Variants in SNX24 observed in about 807,000 individuals in gnomAD.
SNX24 encodes the protein sorting nexin 24.
Under a neutral mutation model 28.7 loss-of-function variants are expected in SNX24, and 22 were observed. That is an observed-to-expected ratio of 0.77 (90% CI 0.55 to 1.10). The LOEUF (loss-of-function observed/expected upper bound fraction) is 1.10. SNX24 is among the 50% of genes least tolerant of loss of function. SNX24 has a pLI of 0.00. For synonymous variants in SNX24, 69 were observed against 71.5 expected, an observed-to-expected ratio of 0.96 and a Z score of 0.18; for missense variants, 221 against 201.1, an observed-to-expected ratio of 1.10 and a Z score of -0.60.
chr5:122,862,433 G>C (rs1431992194), intron 1 of SNX24, among the ~76,000 whole-genome samples: 7 of 151,910 alleles, frequency 4.6e-5, no homozygotes. Context: ...GGCTAACAAG[G>C]TGAAACCCCG....
intron 3 of SNX24, among the ~76,000 whole-genome samples, chr5:122,970,941 G>A (rs2150147307): frequency 6.6e-6 from 1 of 152,320 alleles, no homozygotes; most frequent in African/African-American, 2.4e-5. Context: ...TCTCTAGAGG[G>A]ACAGAACTAA....
At chr5:122,846,646 T>A (rs1449250558) in intron 1 of SNX24, among the ~76,000 whole-genome samples, 1 of 152,214 alleles carries the variant, frequency 6.6e-6, no homozygotes, top group Non-Finnish European at 1.5e-5. Flanking sequence ...TGACAGTCTG[T>A]TTGGGCCATT....
intron 1 of SNX24, among the ~76,000 whole-genome samples, chr5:122,925,180 C>T (rs1175685121): frequency 3.7e-5 from 4 of 109,400 alleles, no homozygotes; most frequent in Non-Finnish European, 7.6e-5. Context: ...CCCTCCCATC[C>T]CCTCCCATCC....
intron 1 of SNX24, among the ~76,000 whole-genome samples, chr5:122,896,163 C>T (rs1031895799): frequency 1.3e-5 from 2 of 152,250 alleles, no homozygotes; most frequent in East Asian, 1.9e-4. Flanking sequence ...AACAAACAAA[C>T]ATATAGAAGC....
At chr5:122,890,227 G>A (rs1756908692) in intron 1 of SNX24, among the ~76,000 whole-genome samples, 1 of 151,918 alleles carries the variant, frequency 6.6e-6, no homozygotes, top group African/African-American at 2.4e-5. Context: ...TTTGACCACT[G>A]GTTAGGTTTT....
At chr5:122,920,880 C>T (rs1300517417) in intron 1 of SNX24, among the ~76,000 whole-genome samples, 1 of 152,190 alleles carries the variant, frequency 6.6e-6, no homozygotes, top group East Asian at 1.9e-4. Context: ...CATAATCCCT[C>T]TTAAACATTA....
intron 5 of SNX24, chr5:123,028,483 C>G: frequency 3.5e-6 from 1 of 285,348 alleles, no homozygotes; most frequent in Non-Finnish European, 6.4e-6. Flanking sequence ...AGATATTTTT[C>G]TGTATGGCTA....
At chr5:122,873,309 G>T (rs1756068408) in intron 1 of SNX24, among the ~76,000 whole-genome samples, 1 of 152,014 alleles carries the variant, frequency 6.6e-6, no homozygotes, top group African/African-American at 2.4e-5. Flanking sequence ...TGCAGTCAGG[G>T]TTTGCTTCTT....
At chr5:122,904,976 G>A (rs1034997165) in intron 1 of SNX24, among the ~76,000 whole-genome samples, 3 of 152,182 alleles carry the variant, frequency 2.0e-5, no homozygotes, top group Admixed American at 6.5e-5. Context: ...CCTGGTGTGG[G>A]TGTTGTTTCC....
chr5:122,850,254 T>C (rs1400951029), intron 1 of SNX24, among the ~76,000 whole-genome samples: 1 of 152,044 alleles, frequency 6.6e-6, no homozygotes, highest in African/African-American at 2.4e-5. Context: ...CTAGCGAGGG[T>C]CCATTTCCAG....
intron 5 of SNX24, chr5:123,023,660 T>G (rs1327466828): frequency 7.0e-6 from 4 of 573,990 alleles, no homozygotes; most frequent in Non-Finnish European, 1.0e-5. Context: ...AGGGGATATA[T>G]TTAAGTTCAA....
At chr5:122,974,261 T>C (rs1002233895) in intron 3 of SNX24, among the ~76,000 whole-genome samples, 2 of 152,224 alleles carry the variant, frequency 1.3e-5, no homozygotes, top group African/African-American at 4.8e-5. Context: ...ACCTCTGGCA[T>C]GCAAGTGTCT....
chr5:122,946,308 G>T, intron 3 of SNX24, 149 bp downstream of exon 3: 1 of 486,348 alleles, frequency 2.1e-6, no homozygotes, highest in Non-Finnish European at 3.7e-6. Context: ...ATATGTTGTT[G>T]GTTGGTTCTT....
chr5:123,007,940 G>C lies in SNX24; in HGVS notation c.*191G>C. 1 of 1,373,282 alleles carries C rather than the reference G, an allele frequency of 7.3e-7. No individual in the cohort carries two copies. 85.1% of individuals were successfully genotyped at this position (1,373,282 alleles called of 1,614,324 possible). A position where few individuals can be genotyped will look rare whatever the true frequency, so the allele number is the denominator to read the frequency against. On this transcript the variant is annotated 3_prime_UTR_variant, in exon 7 of 7. Transcript: ENST00000261369. Reference sequence around the variant, plus strand: ...TGCTCTTAAAAATAGAAACTGAACCGGGGCGGTGGTCAGGCTAAGGCCAAG... The same window carrying C: ...TGCTCTTAAAAATAGAAACTGAACCCGGGCGGTGGTCAGGCTAAGGCCAAG...
At chr5:122,854,858 A>G (rs1218829151) in intron 1 of SNX24, among the ~76,000 whole-genome samples, 1 of 152,318 alleles carries the variant, frequency 6.6e-6, no homozygotes, top group East Asian at 1.9e-4. Flanking sequence ...ATGCATATAA[A>G]TGTTTACACT....
chr5:123,016,394 G>C (rs1762679654), intron 5 of SNX24, among the ~76,000 whole-genome samples: 1 of 152,326 alleles, frequency 6.6e-6, no homozygotes, highest in South Asian at 2.1e-4. Context: ...AATCAGAAGA[G>C]AGCTTCAGTC....
intron 3 of SNX24, among the ~76,000 whole-genome samples, chr5:122,962,322 T>G (rs1328816718): frequency 2.0e-5 from 3 of 152,232 alleles, no homozygotes; most frequent in African/African-American, 7.2e-5. Context: ...CTACTTAATT[T>G]CAAATACATT....
intron 3 of SNX24, among the ~76,000 whole-genome samples, chr5:122,948,074 G>T (rs1759767101): frequency 6.6e-6 from 1 of 152,174 alleles, no homozygotes; most frequent in Non-Finnish European, 1.5e-5. Context: ...GCATTTAATA[G>T]TCAATTTGTT....
intron 1 of SNX24, among the ~76,000 whole-genome samples, chr5:122,871,730 A>C (rs1447284405): frequency 6.6e-6 from 1 of 152,188 alleles, no homozygotes; most frequent in Non-Finnish European, 1.5e-5. Context: ...AGATCACGCC[A>C]TTGCACTCCA....
Sources: allele counts gnomAD v4.1 joint callset (sites outside exome capture counted in the v4.1 genomes callset), GRCh38; gene constraint gnomAD v4.1.1; transcripts MANE v1.5; gene names NCBI Gene and HGNC (gene_info 2026-07-23, HGNC 2026-07-21).